BPIFB4: variants seen among roughly 807,000 people sequenced by gnomAD.
BPIFB4 encodes BPI fold-containing family B member 4.
In BPIFB4, 62 loss-of-function variants were observed where a neutral mutation model predicts 69.2. That is an observed-to-expected ratio of 0.90 (90% CI 0.73 to 1.11). The LOEUF is 1.11. BPIFB4 is among the 50% of genes least tolerant of loss of function. The pLI is 0.00. For missense variants in BPIFB4, 789 were observed against 792.0 expected (o/e 1.00, Z 0.04); for synonymous variants, 330 against 332.7 (o/e 0.99, Z 0.09).
At chr20:33,092,390 T>G in intron 10 of BPIFB4, 68 bp from the exon 11 acceptor site, 1 of 1,439,002 alleles carries the variant, frequency 6.9e-7, no homozygotes, top group Non-Finnish European at 9.5e-7. Flanking sequence ...AGGGCCTCAC[T>G]CCAGCCTTCA....
intron 14 of BPIFB4, 75 bp from the exon 15 acceptor site, chr20:33,102,897 A>C: frequency 2.1e-6 from 3 of 1,457,772 alleles, no homozygotes; most frequent in Non-Finnish European, 2.9e-6. Context: ...GGCTTCTCAC[A>C]ATTTGTTGCA....
At chr20:33,087,064 T>C (rs1981452039) in intron 7 of BPIFB4, among the ~76,000 whole-genome samples, 1 of 152,200 alleles carries the variant, frequency 6.6e-6, no homozygotes, top group African/African-American at 2.4e-5. Context: ...ACTTTACTTC[T>C]GCTTCAGAGA....
At chr20:33,089,649 C>T in intron 9 of BPIFB4, 91 bp downstream of exon 9, 1 of 1,600,182 alleles carries the variant, frequency 6.2e-7, no homozygotes, top group Non-Finnish European at 8.5e-7. Context: ...GGGCCACAGA[C>T]CTGCCCTTAG....
In BPIFB4 at chr20:33,098,853, T is replaced by G. The variant is rs115804841; in HGVS notation, c.1569+1066T>G. The stretch of plus-strand genomic sequence containing the variant: ...CCACAAAGTCCTCATGACCATCCCC[T>G]CATCACCTCTGAGCTCCTCAGTGTT... On this transcript the variant is annotated intron_variant, in intron 13 of 17. Coordinates refer to ENST00000375483, the MANE Select transcript of BPIFB4 (RefSeq NM_182519.3). Among the ~76,000 whole-genome samples, 446 of 151,820 alleles carry G rather than the reference T, an allele frequency of 2.9e-3. 1 individual carries two copies. The highest frequency in any genetic ancestry group is 9.9e-3 in the African/African-American group (410 of 41,376).
At chr20:33,110,802 A>T (rs1034385958) in intron 17 of BPIFB4, among the ~76,000 whole-genome samples, 916 of 76,644 alleles carry the variant, frequency 0.012, no homozygotes, top group Middle Eastern at 0.016. Flanking sequence ...TTTATTATTT[A>T]TTTTGTTGAA....
chr20:33,086,189 G>C, intron 7 of BPIFB4, 25 bp downstream of exon 7: 1 of 1,591,584 alleles, frequency 6.3e-7, no homozygotes, highest in South Asian at 1.1e-5. Flanking sequence ...GCAGTGGAGT[G>C]CCTTGGGGGT....
chr20:33,097,866 C>T (rs1436600067), intron 13 of BPIFB4, 79 bp downstream of exon 13: 2 of 1,400,096 alleles, frequency 1.4e-6, no homozygotes, highest in African/African-American at 2.9e-5. Flanking sequence ...CCAAAGACCC[C>T]TTCAAATCCC....
rs1042287684 is a variant in BPIFB4, at chr20:33,097,528, G to A, written c.1399-89G>A. 8.8e-6 allele frequency: 12 copies of A among 1,370,672 alleles called. No homozygotes were observed. The East Asian group carries it at 1.2e-4, about 13-fold the overall frequency. 84.9% of individuals were successfully genotyped at this position (1,370,672 alleles called of 1,614,324 possible). ...TTGGACTCAAGCAACATGAGACCCC[G>A]GTGCTCTGTGTTTAGAGGTTGGCTG... On this transcript the variant is annotated intron_variant, in intron 12 of 17. Coordinates refer to ENST00000375483, the MANE Select transcript of BPIFB4 (RefSeq NM_182519.3).
intron 16 of BPIFB4, among the ~76,000 whole-genome samples, chr20:33,107,234 G>GAAGGAAGA (rs1982087806): frequency 7.0e-6 from 1 of 142,838 alleles, no homozygotes; most frequent in South Asian, 2.3e-4. Flanking sequence ...AGGAAGGAAG[G>GAAGGAAGA]AAGGAAAGAA....
chr20:33,088,523 A>G (rs1009243981), intron 7 of BPIFB4, among the ~76,000 whole-genome samples: 2 of 152,058 alleles, frequency 1.3e-5, no homozygotes, highest in Non-Finnish European at 2.9e-5. Context: ...CCTCCCTTCC[A>G]CAAACATTTA....
chr20:33,100,644 C>G (rs1981884158), intron 14 of BPIFB4, 151 bp downstream of exon 14: 1 of 649,654 alleles, frequency 1.5e-6, no homozygotes, highest in Non-Finnish European at 2.6e-6. Context: ...CCTACCATTA[C>G]CACTGTCACA....
intron 15 of BPIFB4, among the ~76,000 whole-genome samples, chr20:33,104,405 C>T (rs1311298360): frequency 6.6e-6 from 1 of 152,152 alleles, no homozygotes; most frequent in Non-Finnish European, 1.5e-5. Flanking sequence ...GCCCAGAGGC[C>T]CACGGAGACT....
chr20:33,098,744 CAA>C (rs11331998), intron 13 of BPIFB4, among the ~76,000 whole-genome samples: 6,437 of 107,320 alleles, frequency 0.06, 151 homozygotes, highest in African/African-American at 0.078. Context: ...GACTCCATCT[CAA>C]AAAAAAAAAA....
intron 11 of BPIFB4, among the ~76,000 whole-genome samples, chr20:33,092,962 C>A (rs1222150466): frequency 2.0e-5 from 3 of 152,096 alleles, no homozygotes; most frequent in Non-Finnish European, 4.4e-5. Flanking sequence ...CATATATGAA[C>A]CTCAATATAA....
chr20:33,106,919 G>T (rs1012276300), intron 16 of BPIFB4, among the ~76,000 whole-genome samples: 1 of 152,170 alleles, frequency 6.6e-6, no homozygotes, highest in African/African-American at 2.4e-5. Context: ...AAAAGAAATT[G>T]CCAGGGCCGG....
At chr20:33,104,692 C>G in intron 15 of BPIFB4, 118 bp from the exon 16 acceptor site, 1 of 920,924 alleles carries the variant, frequency 1.1e-6, no homozygotes, top group South Asian at 1.7e-5. Flanking sequence ...CTGCCAGAAC[C>G]TAGACTCTCC....
chr20:33,102,833 C>T, intron 14 of BPIFB4, 139 bp from the exon 15 acceptor site: 1 of 873,230 alleles, frequency 1.1e-6, no homozygotes, highest in Non-Finnish European at 1.9e-6. Flanking sequence ...TGAGAGCCAG[C>T]ATTGTTCTTA....
chr20:33,095,321 G>T (rs1981727157), intron 12 of BPIFB4, among the ~76,000 whole-genome samples, 168 bp downstream of exon 12: 1 of 152,194 alleles, frequency 6.6e-6, no homozygotes, highest in Non-Finnish European at 1.5e-5. Context: ...ACCCCCATGG[G>T]TGGGGGCGGG....
chr20:33,105,245 G>T (rs573622845), intron 16 of BPIFB4, among the ~76,000 whole-genome samples: 126 of 152,090 alleles, frequency 8.3e-4, no homozygotes, highest in Non-Finnish European at 1.5e-3. Context: ...TTTCTCCATT[G>T]TTTTCCCATA....
Sources: gnomAD v4.1 joint callset for allele counts (sites outside exome capture counted in the v4.1 genomes callset) on GRCh38, gnomAD v4.1.1 for gene constraint, MANE v1.5 for transcripts, NCBI Gene and HGNC (gene_info 2026-07-23, HGNC 2026-07-21) for gene names.